The following VPS13B variants were observed in gnomAD, a reference collection of about 807,000 sequenced individuals.
VPS13B encodes the protein vacuolar protein sorting 13 homolog B.
VPS13B carries 285 observed loss-of-function variants against 426.4 expected under a neutral mutation model. That is an observed-to-expected ratio of 0.67 (90% CI 0.61 to 0.74). VPS13B has a LOEUF of 0.74. VPS13B is among the 30% of genes least tolerant of loss of function. The pLI is 0.00. For missense variants in VPS13B, 4,537 were observed against 4,782.6 expected, an observed-to-expected ratio of 0.95 and a Z score of 1.51; for synonymous variants, 1,676 against 1,676.4, an observed-to-expected ratio of 1.00 and a Z score of 0.01.
At chr8:99,864,998 A>G (rs1228773531) in intron 58 of VPS13B, among the ~76,000 whole-genome samples, 1 of 152,120 alleles carries the variant, frequency 6.6e-6, no homozygotes, top group African/African-American at 2.4e-5. Flanking sequence ...TGGGGACACT[A>G]TGGAGCATTA....
chr8:99,625,875 A>C (rs941339112), intron 33 of VPS13B, among the ~76,000 whole-genome samples: 3 of 152,116 alleles, frequency 2.0e-5, no homozygotes, highest in Admixed American at 6.5e-5. Context: ...AACAAAAAAA[A>C]CCCAGCAACA....
intron 17 of VPS13B, among the ~76,000 whole-genome samples, chr8:99,228,915 CTGTG>C (rs772285517): frequency 1.1e-4 from 17 of 151,204 alleles, no homozygotes; most frequent in Non-Finnish European, 2.5e-4. Context: ...GTGTGTGTGT[CTGTG>C]TGTGTGTGTG....
intron 17 of VPS13B, among the ~76,000 whole-genome samples, chr8:99,262,023 T>C (rs1818067142): frequency 6.6e-6 from 1 of 152,194 alleles, no homozygotes; most frequent in Non-Finnish European, 1.5e-5. Flanking sequence ...TGTCAGTAAA[T>C]GCTTGTTGAC....
chr8:99,415,955 C>G (rs1815977043), intron 21 of VPS13B, among the ~76,000 whole-genome samples: 1 of 152,202 alleles, frequency 6.6e-6, no homozygotes, highest in African/African-American at 2.4e-5. Flanking sequence ...TCTGGGAGAT[C>G]CACTGCTCTC....
At chr8:99,174,965 A>AT (rs1198503077) in intron 16 of VPS13B, among the ~76,000 whole-genome samples, 1 of 152,196 alleles carries the variant, frequency 6.6e-6, no homozygotes, top group South Asian at 2.1e-4. Context: ...TCTATTTATT[A>AT]TTTTTTATGT....
intron 16 of VPS13B, 52 bp downstream of exon 16, chr8:99,170,215 G>A (rs747690594): frequency 9.4e-6 from 15 of 1,594,796 alleles, no homozygotes; most frequent in Admixed American, 5.1e-5. Flanking sequence ...TTTATTAGGA[G>A]GGAAAAAACC....
intron 5 of VPS13B, among the ~76,000 whole-genome samples, chr8:99,105,649 G>A (rs1847007232): frequency 6.6e-6 from 1 of 152,290 alleles, no homozygotes; most frequent in South Asian, 2.1e-4. Flanking sequence ...AGAATGCTGG[G>A]ATTACAGGCA....
At chr8:99,799,563 A>C (rs1813022715) in intron 43 of VPS13B, among the ~76,000 whole-genome samples, 1 of 152,210 alleles carries the variant, frequency 6.6e-6, no homozygotes, top group Admixed American at 6.5e-5. Flanking sequence ...TTAAATGAAA[A>C]TAAATAACTG....
At chr8:99,594,476 A>G (rs1826888884) in intron 33 of VPS13B, among the ~76,000 whole-genome samples, 1 of 152,018 alleles carries the variant, frequency 6.6e-6, no homozygotes, top group African/African-American at 2.4e-5. Context: ...TCTCATCTAG[A>G]GATCGTTAAT....
chr8:99,794,359 T>C (rs1205014235), intron 43 of VPS13B, among the ~76,000 whole-genome samples: 1 of 152,124 alleles, frequency 6.6e-6, no homozygotes, highest in Non-Finnish European at 1.5e-5. Flanking sequence ...CAATGTACAA[T>C]GGTATACGAT....
At chr8:99,393,324 C>T (rs1037520625) in intron 21 of VPS13B, among the ~76,000 whole-genome samples, 1 of 151,842 alleles carries the variant, frequency 6.6e-6, no homozygotes, top group Admixed American at 6.6e-5. Flanking sequence ...ATTATTTTGC[C>T]TTCTTTATTA....
At chr8:99,850,841 G>A (rs948617389) in intron 55 of VPS13B, among the ~76,000 whole-genome samples, 4 of 152,224 alleles carry the variant, frequency 2.6e-5, no homozygotes, top group Non-Finnish European at 2.9e-5. Context: ...CAAGAGAATC[G>A]CTTGAACCTG....
chr8:99,305,043 G>T lies in VPS13B; in HGVS notation c.2824+29789G>T, dbSNP rs551508448. ...TTTTCATTAGTGTAAACAATTTTTA[G>T]TGCATAGAAAGCTCCCTAATTTTCT... On this transcript the variant is annotated intron_variant, in intron 19 of 61. Coordinates refer to ENST00000357162, the MANE Select transcript of VPS13B (RefSeq NM_152564.5). Among the ~76,000 whole-genome samples the T allele has an allele frequency of 5.3e-5, 8 of 152,146 alleles. No homozygotes were observed. The East Asian group carries it at 9.6e-4, about 18-fold the overall frequency.
chr8:99,093,583 T>C (rs1846273854), intron 3 of VPS13B, among the ~76,000 whole-genome samples: 2 of 142,302 alleles, frequency 1.4e-5, no homozygotes, highest in Admixed American at 1.5e-4. Flanking sequence ...CCTGTGTCCA[T>C]GTGTTCTCAT....
intron 21 of VPS13B, among the ~76,000 whole-genome samples, chr8:99,399,474 C>A (rs1814917844): frequency 6.6e-6 from 1 of 151,954 alleles, no homozygotes. Flanking sequence ...ATGATTGTAG[C>A]CGTAGACTTC....
At chr8:99,284,629 C>T (rs916162204) in intron 19 of VPS13B, among the ~76,000 whole-genome samples, 1 of 151,996 alleles carries the variant, frequency 6.6e-6, no homozygotes, top group Non-Finnish European at 1.5e-5. Context: ...GTGGTGCTTG[C>T]ATCCTCTACC....
intron 23 of VPS13B, among the ~76,000 whole-genome samples, chr8:99,465,330 T>A (rs1819057285): frequency 1.3e-5 from 2 of 152,108 alleles, no homozygotes; most frequent in Non-Finnish European, 2.9e-5. Flanking sequence ...TAAAATTTCA[T>A]CTTCTAGGTA....
At chr8:99,598,563 A>T (rs1563817171) in intron 33 of VPS13B, among the ~76,000 whole-genome samples, 2 of 152,078 alleles carry the variant, frequency 1.3e-5, no homozygotes, top group African/African-American at 4.8e-5. Context: ...AGTGATTCAG[A>T]ATAAATAAAA....
At chr8:99,809,091 T>G (rs1429758188) in intron 43 of VPS13B, among the ~76,000 whole-genome samples, 1 of 152,200 alleles carries the variant, frequency 6.6e-6, no homozygotes, top group African/African-American at 2.4e-5. Context: ...ATGAATGAAA[T>G]GATCTTTTCT....
Sources: allele counts gnomAD v4.1 joint callset (sites outside exome capture counted in the v4.1 genomes callset), GRCh38; gene constraint gnomAD v4.1.1; transcripts MANE v1.5; gene names NCBI Gene and HGNC (gene_info 2026-07-23, HGNC 2026-07-21).